The following MED12L variants were observed in gnomAD, a reference collection of about 807,000 sequenced individuals.
MED12L encodes mediator of RNA polymerase II transcription subunit 12-like protein.
A neutral mutation model predicts 281.3 loss-of-function variants in MED12L; 60 were observed. The ratio of observed to expected loss-of-function variants is 0.21; its 90% CI spans 0.17 to 0.26. The LOEUF is 0.26. Among genes scored for constraint, MED12L ranks in the 10% least tolerant of loss-of-function variants. The pLI, the probability that MED12L is intolerant of heterozygous loss-of-function variation, is 1.00. For synonymous variants in MED12L, 974 were observed against 987.2 expected, an observed-to-expected ratio of 0.99 and a Z score of 0.25; for missense variants, 2,146 against 2,680.9, an observed-to-expected ratio of 0.80 and a Z score of 4.41.
At chr3:151,132,728 A>G (rs1010258505) in intron 5 of MED12L, among the ~76,000 whole-genome samples, 11 of 152,222 alleles carry the variant, frequency 7.2e-5, no homozygotes, top group African/African-American at 2.7e-4. Flanking sequence ...TGTTTATACT[A>G]TATGAAAAGA....
At chr3:151,350,424 A>C (rs1002715872) in intron 17 of MED12L, among the ~76,000 whole-genome samples, 1 of 152,004 alleles carries the variant, frequency 6.6e-6, no homozygotes, top group African/African-American at 2.4e-5. Flanking sequence ...ATTAATATTA[A>C]ATATTATTTT....
intron 16 of MED12L, chr3:151,337,989 A>G: frequency 6.2e-7 from 1 of 1,614,158 alleles, no homozygotes; most frequent in Non-Finnish European, 8.5e-7. Flanking sequence ...TAAGGAAGTT[A>G]ACCACAGAGT....
chr3:151,090,607 C>T (rs1328086407), intron 2 of MED12L, among the ~76,000 whole-genome samples: 1 of 152,140 alleles, frequency 6.6e-6, no homozygotes, highest in Non-Finnish European at 1.5e-5. Flanking sequence ...AATCCGGTGA[C>T]TGAGGGCTGT....
intron 16 of MED12L, chr3:151,295,205 T>C (rs1461255135): frequency 3.7e-6 from 6 of 1,602,900 alleles, no homozygotes; most frequent in Non-Finnish European, 5.1e-6. Flanking sequence ...GCCGTGCAGC[T>C]CGTTATCTGT....
At chr3:151,223,420 G>A (rs775531276) in intron 16 of MED12L, among the ~76,000 whole-genome samples, 14 of 152,160 alleles carry the variant, frequency 9.2e-5, no homozygotes, top group Non-Finnish European at 1.2e-4. Context: ...ATTCACAATA[G>A]CAAAGGCATA....
In MED12L at chr3:151,436,362, G is replaced by A; in HGVS notation, c.*3558G>A. The A allele has an allele frequency of 4.7e-6, 1 of 212,284 alleles. No homozygotes were observed. 13.2% of individuals were successfully genotyped at this position (212,284 alleles called of 1,614,324 possible). A position where few individuals can be genotyped will look rare whatever the true frequency, so the allele number is the denominator to read the frequency against. On this transcript the variant is annotated 3_prime_UTR_variant, in exon 45 of 45. Transcript: ENST00000687756. ...GATAGGAGGTGGACACTAGGCAACT[G>A]GTATTAGAAGTTCATTTTTTTACTG...
chr3:151,428,540 G>A (rs972825590), intron 43 of MED12L, among the ~76,000 whole-genome samples: 2 of 152,144 alleles, frequency 1.3e-5, no homozygotes, highest in African/African-American at 4.8e-5. Context: ...AGTTGCTACT[G>A]AGCACCTGCT....
chr3:151,364,006 A>T (rs926631071), intron 21 of MED12L, among the ~76,000 whole-genome samples: 1 of 151,376 alleles, frequency 6.6e-6, no homozygotes. Context: ...TATGGGGTTT[A>T]AAAAAAAAGC....
At chr3:151,141,166 G>GTTTTT (rs750239134) in intron 5 of MED12L, among the ~76,000 whole-genome samples, 5 of 98,116 alleles carry the variant, frequency 5.1e-5, no homozygotes, top group African/African-American at 2.1e-4. Flanking sequence ...CGTGCCTGGC[G>GTTTTT]TTTTTTTTTT....
chr3:151,280,150 A>G (rs1742585072), intron 16 of MED12L, among the ~76,000 whole-genome samples: 1 of 152,204 alleles, frequency 6.6e-6, no homozygotes, highest in African/African-American at 2.4e-5. Context: ...CCCTCGTGGC[A>G]GGTGGTACAA....
intron 38 of MED12L, among the ~76,000 whole-genome samples, chr3:151,394,448 A>G (rs1007220177): frequency 1.3e-5 from 2 of 152,252 alleles, no homozygotes; most frequent in African/African-American, 4.8e-5. Flanking sequence ...TTAAAGTAGT[A>G]TAATTCACTT....
chr3:151,286,090 A>G (rs1362552093), intron 16 of MED12L, among the ~76,000 whole-genome samples: 1 of 152,216 alleles, frequency 6.6e-6, no homozygotes, highest in African/African-American at 2.4e-5. Context: ...TGGGCTTTGC[A>G]ATCATCAGTC....
chr3:151,261,122 C>A (rs1160045409), intron 16 of MED12L, among the ~76,000 whole-genome samples: 1 of 151,932 alleles, frequency 6.6e-6, no homozygotes, highest in Non-Finnish European at 1.5e-5. Flanking sequence ...GCATTTAATT[C>A]TGAAATAAGA....
At chr3:151,348,050 T>C (rs1258974486) in intron 16 of MED12L, among the ~76,000 whole-genome samples, 1 of 152,170 alleles carries the variant, frequency 6.6e-6, no homozygotes, top group East Asian at 1.9e-4. Context: ...TAAATACTAC[T>C]TTGATGACAT....
intron 16 of MED12L, among the ~76,000 whole-genome samples, chr3:151,299,345 C>T (rs1019264514): frequency 1.4e-5 from 2 of 142,038 alleles, no homozygotes; most frequent in African/African-American, 2.6e-5. Context: ...TCTTTCTTTC[C>T]TTCCTTCCTT....
At chr3:151,166,551 T>C (rs1408689476) in intron 11 of MED12L, among the ~76,000 whole-genome samples, 5 of 151,992 alleles carry the variant, frequency 3.3e-5, no homozygotes, top group Admixed American at 6.6e-5. Context: ...TTGGCTCACA[T>C]GATTATGGGG....
At chr3:151,160,609 C>G (rs1016205581) in intron 8 of MED12L, among the ~76,000 whole-genome samples, 1 of 152,134 alleles carries the variant, frequency 6.6e-6, no homozygotes, top group African/African-American at 2.4e-5. Context: ...CAGTCCTGCC[C>G]TAGAGGAGCT....
At chr3:151,214,346 A>C (rs184574138) in intron 16 of MED12L, 17 of 1,593,304 alleles carry the variant, frequency 1.1e-5, no homozygotes, top group Non-Finnish European at 1.5e-5. Flanking sequence ...GAGGCCTGAA[A>C]AGAGGTGTGA....
rs537505957 is a variant in MED12L, at chr3:151,249,596, G to A, written c.2250+55930G>A. The stretch of plus-strand genomic sequence containing the variant: ...TCCTCTAGACTTATCCTGGTCTAGG[G>A]ATGGACTTGATGCATGCCAGTACCT... On this transcript the variant is annotated intron_variant, in intron 16 of 44. Coordinates refer to ENST00000687756, the MANE Select transcript of MED12L (RefSeq NM_001393769.1). Among the ~76,000 whole-genome samples the A allele has an allele frequency of 8.7e-4, 133 of 152,244 alleles. 2 individuals are homozygous for A. The highest frequency in any genetic ancestry group is 3.4e-3 in the Middle Eastern group (1 of 294).
Sources: allele counts gnomAD v4.1 joint callset (sites outside exome capture counted in the v4.1 genomes callset), GRCh38; gene constraint gnomAD v4.1.1; transcripts MANE v1.5; gene names NCBI Gene and HGNC (gene_info 2026-07-23, HGNC 2026-07-21).